Variants in VSNL1 observed in about 807,000 individuals in gnomAD.
VSNL1 encodes visinin-like protein 1.
VSNL1 carries 6 observed loss-of-function variants against 20.4 expected under a neutral mutation model. The observed-to-expected ratio is 0.29, with a 90% CI of 0.16 to 0.58. The LOEUF is 0.58. Among genes scored for constraint, VSNL1 ranks in the 20% least tolerant of loss-of-function variants. The pLI is 0.90. For missense variants in VSNL1, 100 were observed against 234.5 expected (o/e 0.43, Z 3.75); for synonymous variants, 93 against 86.4 (o/e 1.08, Z -0.42).
intron 2 of VSNL1, among the ~76,000 whole-genome samples, chr2:17,594,980 G>A (rs1408509604): frequency 6.6e-6 from 1 of 152,190 alleles, no homozygotes; most frequent in African/African-American, 2.4e-5. Context: ...TTCAAAGACA[G>A]GAATGCTGAC....
intron 1 of VSNL1, among the ~76,000 whole-genome samples, chr2:17,570,924 T>C (rs1395628321): frequency 3.3e-5 from 5 of 151,932 alleles, no homozygotes; most frequent in Non-Finnish European, 7.4e-5. Flanking sequence ...ATCCTGGCTA[T>C]GTGGGAGGCT....
intron 2 of VSNL1, among the ~76,000 whole-genome samples, chr2:17,622,374 T>C (rs963407785): frequency 7.3e-5 from 11 of 151,542 alleles, no homozygotes; most frequent in Non-Finnish European, 1.3e-4. Context: ...GGCGGGTGCC[T>C]GTAATCCCAG....
intron 2 of VSNL1, among the ~76,000 whole-genome samples, chr2:17,598,474 A>G (rs1016949387): frequency 6.6e-6 from 1 of 152,230 alleles, no homozygotes; most frequent in African/African-American, 2.4e-5. Flanking sequence ...CCCCTTCCTC[A>G]GGTTGCTAGT....
intron 1 of VSNL1, among the ~76,000 whole-genome samples, chr2:17,580,067 T>C (rs1474286545): frequency 6.6e-6 from 1 of 152,174 alleles, no homozygotes; most frequent in Non-Finnish European, 1.5e-5. Context: ...TTCTGTAAGA[T>C]TGATGCTAAC....
At chr2:17,551,116 C>T (rs949182677) in intron 1 of VSNL1, among the ~76,000 whole-genome samples, 4 of 152,226 alleles carry the variant, frequency 2.6e-5, no homozygotes, top group Admixed American at 1.3e-4. Flanking sequence ...CTCACACACC[C>T]CAGGATAATG....
intron 2 of VSNL1, among the ~76,000 whole-genome samples, chr2:17,607,519 AAG>A (rs1447011634): frequency 6.6e-6 from 1 of 152,152 alleles, no homozygotes; most frequent in African/African-American, 2.4e-5. Context: ...TTCCTTTGTA[AAG>A]AGAGGGAGTT....
At chr2:17,651,608 G>A (rs1006218178) in intron 3 of VSNL1, among the ~76,000 whole-genome samples, 3 of 152,220 alleles carry the variant, frequency 2.0e-5, no homozygotes, top group African/African-American at 7.2e-5. Context: ...GTTATGTTTG[G>A]TGTGAGACCT....
chr2:17,543,259 G>A (rs576643215), intron 1 of VSNL1, among the ~76,000 whole-genome samples: 33 of 152,252 alleles, frequency 2.2e-4, no homozygotes, highest in Non-Finnish European at 3.7e-4. Context: ...AATCCTTGGC[G>A]TTTGCCGGGA....
At chr2:17,595,106 C>A (rs1455080944) in intron 2 of VSNL1, among the ~76,000 whole-genome samples, 1 of 152,194 alleles carries the variant, frequency 6.6e-6, no homozygotes, top group Non-Finnish European at 1.5e-5. Context: ...AAACACAGAT[C>A]TGAACATGGT....
chr2:17,602,564 G>A (rs897017283), intron 2 of VSNL1, among the ~76,000 whole-genome samples: 4 of 152,050 alleles, frequency 2.6e-5, no homozygotes, highest in African/African-American at 7.2e-5. Flanking sequence ...CCAACACGGC[G>A]AAACTCTGTC....
intron 1 of VSNL1, among the ~76,000 whole-genome samples, chr2:17,548,148 A>G (rs896571255): frequency 6.6e-6 from 1 of 152,106 alleles, no homozygotes; most frequent in Non-Finnish European, 1.5e-5. Context: ...AAGAAAAGAT[A>G]CCTTCCAACT....
intron 3 of VSNL1, among the ~76,000 whole-genome samples, chr2:17,654,008 T>A (rs1572227036): frequency 6.6e-6 from 1 of 152,356 alleles, no homozygotes; most frequent in Non-Finnish European, 1.5e-5. Context: ...GGCTTCTTTA[T>A]ATTTTTGAGA....
intron 1 of VSNL1, among the ~76,000 whole-genome samples, chr2:17,573,783 G>C (rs1664136247): frequency 6.6e-6 from 1 of 152,200 alleles, no homozygotes; most frequent in African/African-American, 2.4e-5. Context: ...ATTGGATTTG[G>C]AATCAGGAGA....
intron 2 of VSNL1, among the ~76,000 whole-genome samples, chr2:17,607,581 C>G (rs1664975715): frequency 6.6e-6 from 1 of 152,190 alleles, no homozygotes; most frequent in South Asian, 2.1e-4. Flanking sequence ...TTCTAGAAAT[C>G]ACGTGCAGCT....
At chr2:17,547,980 C>T (rs554350051) in intron 1 of VSNL1, among the ~76,000 whole-genome samples, 14 of 152,218 alleles carry the variant, frequency 9.2e-5, no homozygotes, top group African/African-American at 3.4e-4. Context: ...ATACTTCTAT[C>T]TTTTAATACT....
chr2:17,554,608 C>T (rs1178135665), intron 1 of VSNL1, among the ~76,000 whole-genome samples: 3 of 152,130 alleles, frequency 2.0e-5, no homozygotes, highest in East Asian at 3.9e-4. Context: ...AAGAGGGCTG[C>T]GATTGACATT....
chr2:17,550,889 C>A (rs1663518881), intron 1 of VSNL1, among the ~76,000 whole-genome samples: 1 of 152,202 alleles, frequency 6.6e-6, no homozygotes, highest in Non-Finnish European at 1.5e-5. Flanking sequence ...GTCCTCTTAG[C>A]ACATCTGAAC....
At chr2:17,577,748 A>T (rs374148068) in intron 1 of VSNL1, among the ~76,000 whole-genome samples, 1 of 152,200 alleles carries the variant, frequency 6.6e-6, no homozygotes, top group South Asian at 2.1e-4. Flanking sequence ...TTGGGGAAAA[A>T]AATGTTACAT....
chr2:17,637,541 C>G (rs1665783338), intron 2 of VSNL1, among the ~76,000 whole-genome samples: 1 of 152,120 alleles, frequency 6.6e-6, no homozygotes, highest in Non-Finnish European at 1.5e-5. Context: ...CCATCCAGCC[C>G]CCAACCCCAC....
Sources: gnomAD v4.1 joint callset for allele counts (sites outside exome capture counted in the v4.1 genomes callset) on GRCh38, gnomAD v4.1.1 for gene constraint, MANE v1.5 for transcripts, NCBI Gene and HGNC (gene_info 2026-07-23, HGNC 2026-07-21) for gene names.